Variants in PDCL3 observed in about 807,000 individuals in gnomAD.
PDCL3 encodes the protein phosducin like 3, also known as phosducin-like protein 3.
A neutral mutation model predicts 26.5 loss-of-function variants in PDCL3; 22 were observed. That is an observed-to-expected ratio of 0.83 (90% CI 0.59 to 1.19). The LOEUF (loss-of-function observed/expected upper bound fraction) is 1.19. PDCL3 is among the 50% of genes most tolerant of loss of function. PDCL3 has a pLI of 0.00. For missense variants in PDCL3, 246 were observed against 294.1 expected (o/e 0.84, Z 1.20); for synonymous variants, 81 against 104.9 (o/e 0.77, Z 1.39).
chr2:100,575,559 G>A (rs1161505612), intron 5 of PDCL3, among the ~76,000 whole-genome samples: 1 of 152,204 alleles, frequency 6.6e-6, no homozygotes, highest in African/African-American at 2.4e-5. Context: ...GCTCTTCTCT[G>A]AAGTAGGCAA....
chr2:100,574,830 G>A (rs1037578568), intron 5 of PDCL3, among the ~76,000 whole-genome samples: 2 of 152,152 alleles, frequency 1.3e-5, no homozygotes, highest in East Asian at 1.9e-4. Context: ...AACTGAGCAC[G>A]TTGGCTGAAG....
chr2:100,563,547 G>A (rs956147873), intron 1 of PDCL3: 3 of 154,718 alleles, frequency 1.9e-5, no homozygotes, highest in Admixed American at 1.3e-4. Flanking sequence ...CCGAGCCCTG[G>A]GATCCGCTTG....
Position 100,576,478 on chromosome 2 carries a change from C to A in PDCL3, c.702C>A (p.Ser234Arg). The change falls in exon 6 of 6, where the codon AGC becomes AGA. Residue 234 changes from serine to arginine, a missense_variant. Coordinates refer to ENST00000264254, the MANE Select transcript of PDCL3 (RefSeq NM_024065.5). Reference protein sequence around the residue: ...VRRSVLMKRDSDSEGD With the variant: ...VRRSVLMKRDRDSEGD ...GCTCTGTCCTCATGAAGAGGGACAG[C>A]GATTCCGAGGGTGACTGAGGCTACA... The A allele has an allele frequency of 1.2e-6, 2 of 1,606,506 alleles. No homozygotes were observed. The highest frequency in any genetic ancestry group is 1.7e-6 in the Non-Finnish European group (2 of 1,176,426).
chr2:100,566,853 GAAGAAAATACTTCTT>G (rs1463379095), intron 2 of PDCL3, among the ~76,000 whole-genome samples: 1 of 152,210 alleles, frequency 6.6e-6, no homozygotes, highest in East Asian at 1.9e-4. Context: ...CATGAGCACT[GAAGAAAATACTTCTT>G]TCTGCTTTCT....
At chr2:100,567,627 A>G (rs1038207606) in intron 2 of PDCL3, among the ~76,000 whole-genome samples, 9 of 152,074 alleles carry the variant, frequency 5.9e-5, no homozygotes, top group Non-Finnish European at 1.2e-4. Context: ...ACATCTGGGT[A>G]TTCCTGAAGG....
chr2:100,566,505 C>A lies in PDCL3; in HGVS notation c.9C>A (p.Asp3Glu). ...TAACCTTGGTCCCGCTCTTCTAGGACCCCAACGCAGACACTGAATGGAATG... is the reference window on the plus strand; with the variant it reads ...TAACCTTGGTCCCGCTCTTCTAGGAACCCAACGCAGACACTGAATGGAATG... The part of the protein sequence containing the change: MQ[D>E]PNADTEWNDI... Residue 3 changes from aspartate (D) to glutamate (E), a missense_variant and splice_region_variant, in exon 2 of 6, where the codon GAC (aspartate) becomes GAA (glutamate). Transcript: ENST00000264254. 1 of 1,612,084 alleles carries A rather than the reference C, an allele frequency of 6.2e-7. No homozygotes were observed. The highest frequency in any genetic ancestry group is 8.5e-7 in the Non-Finnish European group (1 of 1,179,738).
At chr2:100,566,240 G>T (rs1558695904) in intron 1 of PDCL3, among the ~76,000 whole-genome samples, 1 of 152,124 alleles carries the variant, frequency 6.6e-6, no homozygotes, top group African/African-American at 2.4e-5. Context: ...CACATGCCAA[G>T]TCAGAGCCTT....
intron 2 of PDCL3, 109 bp from the exon 3 acceptor site, chr2:100,568,822 A>T (rs1379609387): frequency 1.2e-6 from 1 of 836,522 alleles, no homozygotes; most frequent in Non-Finnish European, 2.0e-6. Context: ...TAGGCTAAGG[A>T]TCTGGTGTTG....
In PDCL3 at chr2:100,563,002, CAA is replaced by C; in HGVS notation, c.-63_-62del. 6.4e-7 allele frequency: 1 copy of C among 1,569,664 alleles called. No individual in the cohort carries two copies. Among genetic ancestry groups the C allele is most frequent in the Non-Finnish European group, 8.6e-7 (1 of 1,158,034 alleles). The stretch of plus-strand genomic sequence containing the variant: ...GGCGTGGCGGCGCTGTGCGCGTGCA[CAA>C]AAGAGAGCTGAGGGGCGGGGGCGCT... On this transcript the variant is annotated 5_prime_UTR_variant, in exon 1 of 6. Transcript: ENST00000264254.
intron 5 of PDCL3, among the ~76,000 whole-genome samples, chr2:100,576,044 A>G (rs1675279213): frequency 6.6e-6 from 1 of 152,010 alleles, no homozygotes; most frequent in South Asian, 2.1e-4. Context: ...ATAAGCACAC[A>G]CCACCACTGT....
intron 1 of PDCL3, 115 bp downstream of exon 1, chr2:100,563,188 G>T: frequency 7.4e-7 from 1 of 1,358,110 alleles, no homozygotes; most frequent in South Asian, 1.4e-5. Flanking sequence ...CAGGCACGAG[G>T]GAGGCCCGGC....
At position 100,576,306 on chromosome 2, in the gene PDCL3, C is replaced by T. The variant is rs759208433; in HGVS notation, c.578-48C>T. The T allele has an allele frequency of 4.0e-5, 64 of 1,584,890 alleles. 1 individual carries two copies. The South Asian group carries it at 6.8e-4, about 17-fold the overall frequency. On this transcript the variant is annotated intron_variant, in intron 5 of 5. Transcript: ENST00000264254. The stretch of plus-strand genomic sequence containing the variant: ...GTTGATGGACTTAGGGCGAGGGAAC[C>T]TTTGCAGCACAGTGCCTTAGGCAAT...
chr2:100,571,911 C>CCTGTGGATGAGTGA, intron 5 of PDCL3, 113 bp downstream of exon 5: 1 of 912,618 alleles, frequency 1.1e-6, no homozygotes, highest in Non-Finnish European at 1.8e-6. Context: ...TTCACTTCTG[C>CCTGTGGATGAGTGA]CTGTGTATGA....
chr2:100,564,322 A>G (rs531301602), intron 1 of PDCL3, among the ~76,000 whole-genome samples: 2 of 144,622 alleles, frequency 1.4e-5, no homozygotes, highest in South Asian at 4.5e-4. Flanking sequence ...TTTGAGACAG[A>G]GTCTTGCTCT....
At chr2:100,568,428 T>G (rs898313763) in intron 2 of PDCL3, among the ~76,000 whole-genome samples, 1 of 152,156 alleles carries the variant, frequency 6.6e-6, no homozygotes, top group Non-Finnish European at 1.5e-5. Context: ...GTCAGAAGGT[T>G]CAAGACCAGC....
In PDCL3 at chr2:100,572,604, G is replaced by C. The variant is rs181567077; in HGVS notation, c.577+806G>C. Reference sequence around the variant, plus strand: ...GTGATCTCGGCTCACTGCAACCTCTGCCCCCCAGGTTCAAGTGATTCTCCT... The same window carrying C: ...GTGATCTCGGCTCACTGCAACCTCTCCCCCCCAGGTTCAAGTGATTCTCCT... On this transcript the variant is annotated intron_variant, in intron 5 of 5. Transcript: ENST00000264254. Among the ~76,000 whole-genome samples the C allele has an allele frequency of 2.4e-3, 361 of 151,802 alleles. 2 individuals carry two copies. Among genetic ancestry groups the C allele is most frequent in the African/African-American group, 8.3e-3 (342 of 41,384 alleles).
In PDCL3 at chr2:100,570,042, G is replaced by A. The variant is rs560331260; in HGVS notation, c.368+321G>A. Among the ~76,000 whole-genome samples the A allele has an allele frequency of 4.6e-5, 7 of 152,244 alleles. No homozygotes were observed. The East Asian group carries it at 1.2e-3, about 25-fold the overall frequency. The stretch of plus-strand genomic sequence containing the variant: ...GGAGAATGGCATGAACCCGGGAGGC[G>A]GAGCTTGCAGTGAGCCGAGATTGCG... On this transcript the variant is annotated intron_variant, in intron 4 of 5. Transcript: ENST00000264254.
At chr2:100,572,948 G>A (rs1015937724) in intron 5 of PDCL3, among the ~76,000 whole-genome samples, 3 of 151,934 alleles carry the variant, frequency 2.0e-5, no homozygotes, top group Admixed American at 1.3e-4. Context: ...GCAGTGGTGC[G>A]ATCTTGGTTC....
In PDCL3 at chr2:100,576,257, T is replaced by C. The variant is rs879141171; in HGVS notation, c.578-97T>C. 4 of 1,413,170 alleles carry C rather than the reference T, an allele frequency of 2.8e-6. No individual in the cohort carries two copies. In the South Asian group the frequency reaches 5.5e-5, roughly 20 times the overall value. 87.5% of individuals were successfully genotyped at this position (1,413,170 alleles called of 1,614,324 possible). On this transcript the variant is annotated intron_variant, in intron 5 of 5. Transcript: ENST00000264254. ...GTGCTGGGCCAAATTTCGATAATTGTATTTTCTACTTAGAAAAAACTAGGT... is the reference window on the plus strand; with the variant it reads ...GTGCTGGGCCAAATTTCGATAATTGCATTTTCTACTTAGAAAAAACTAGGT...
Sources: gnomAD v4.1 joint callset for allele counts (sites outside exome capture counted in the v4.1 genomes callset) on GRCh38, gnomAD v4.1.1 for gene constraint, MANE v1.5 for transcripts, NCBI Gene and HGNC (gene_info 2026-07-23, HGNC 2026-07-21) for gene names.